LRRK1: variants seen among roughly 807,000 people sequenced by gnomAD.
LRRK1 encodes leucine-rich repeat serine/threonine-protein kinase 1.
LRRK1 carries 113 observed loss-of-function variants against 209.1 expected under a neutral mutation model. The observed-to-expected ratio is 0.54, with a 90% CI of 0.46 to 0.63. The LOEUF (loss-of-function observed/expected upper bound fraction) is 0.63. Among genes scored for constraint, LRRK1 ranks in the 30% least tolerant of loss-of-function variants. LRRK1 has a pLI of 0.00. For missense variants in LRRK1, 2,284 were observed against 2,632.2 expected (o/e 0.87, Z 2.89); for synonymous variants, 1,144 against 1,099.7 (o/e 1.04, Z -0.80).
chr15:100,986,514 C>T (rs1567216317), intron 4 of LRRK1, among the ~76,000 whole-genome samples: 1 of 152,220 alleles, frequency 6.6e-6, no homozygotes, highest in Non-Finnish European at 1.5e-5. Context: ...GTCCCACAGA[C>T]CCTGGCTGAT....
intron 3 of LRRK1, among the ~76,000 whole-genome samples, chr15:100,981,302 T>C (rs995482899): frequency 6.6e-6 from 1 of 152,154 alleles, no homozygotes; most frequent in Non-Finnish European, 1.5e-5. Context: ...CAGCTGTTAG[T>C]TGTGGGCAGT....
intron 20 of LRRK1, among the ~76,000 whole-genome samples, chr15:101,044,459 G>C (rs943357706): frequency 2.0e-5 from 3 of 152,204 alleles, no homozygotes; most frequent in African/African-American, 7.2e-5. Context: ...CCGACTCACT[G>C]GTCATTCCCT....
chr15:101,056,708 T>C (rs2035826967), intron 27 of LRRK1, 148 bp from the exon 28 acceptor site: 2 of 568,452 alleles, frequency 3.5e-6, no homozygotes, highest in East Asian at 3.1e-5. Context: ...GGTGGATGGA[T>C]AAATGGATAG....
In LRRK1 at chr15:101,026,168, T is replaced by G. The variant is rs749097982; in HGVS notation, c.2405+31T>G. On this transcript the variant is annotated intron_variant, in intron 17 of 33. Transcript: ENST00000388948. ...TGCCCAGCCTCGGGCAGCTCCTGCC[T>G]TCTTGTGGGTGCCAGTCGCTGATCT... 4 of 1,601,928 alleles carry G rather than the reference T, an allele frequency of 2.5e-6. No homozygotes were observed. The African/African-American group carries it at 5.4e-5, about 21-fold the overall frequency.
Position 100,971,349 on chromosome 15 carries a change from GAAAAGA to G in LRRK1, c.98-2438_98-2433del, listed in dbSNP as rs531940099. Among the ~76,000 whole-genome samples the G allele has an allele frequency of 8.0e-3, 1,079 of 135,598 alleles. 17 individuals are homozygous for G. Among genetic ancestry groups the G allele is most frequent in the African/African-American group, 0.026 (899 of 35,016 alleles). The allele number at this position is 135,598 out of a possible 152,430, so 89.0% of individuals were successfully genotyped here. A position where few individuals can be genotyped will look rare whatever the true frequency, so the allele number is the denominator to read the frequency against. On this transcript the variant is annotated intron_variant, in intron 2 of 33. Coordinates refer to ENST00000388948, the MANE Select transcript of LRRK1 (RefSeq NM_024652.6). ...ACTGTGTCTCAAAAAAAAAAAAAAA[GAAAAGA>G]AAAAGAAAAAGAAAAAAGAAGAAGA...
At chr15:101,005,973 A>G (rs1191273929) in intron 6 of LRRK1, among the ~76,000 whole-genome samples, 2 of 152,262 alleles carry the variant, frequency 1.3e-5, no homozygotes, top group Admixed American at 1.3e-4. Context: ...CAGGATCAGC[A>G]ACGGAGGCTA....
intron 2 of LRRK1, among the ~76,000 whole-genome samples, chr15:100,947,883 G>A (rs1282859042): frequency 6.6e-6 from 1 of 152,218 alleles, no homozygotes; most frequent in East Asian, 1.9e-4. Flanking sequence ...ATATTTATGT[G>A]AGATCCAGGG....
In LRRK1 at chr15:101,022,561, G is replaced by A. The variant is rs1596286967; in HGVS notation, c.2031G>A (p.Lys677=). The change falls in exon 15 of 34, where the codon AAG becomes AAA. Residue 677 remains lysine, a synonymous_variant. Coordinates refer to ENST00000388948, the MANE Select transcript of LRRK1 (RefSeq NM_024652.6). The surrounding 1 kb of genome is among the most constrained non-coding windows in gnomAD (Gnocchi z 4.0). ...VHGEATIRTT[K]WELQRPAGSR... ...GAGAGGCCACCATCAGGACCACCAA[G>A]TGGGAGCTCCAGAGGCCGGCTGGCT... The A allele has an allele frequency of 3.1e-6, 5 of 1,613,450 alleles. No individual in the cohort carries two copies. Among genetic ancestry groups the A allele is most frequent in the Middle Eastern group, 1.7e-4 (1 of 6,058 alleles).
rs146896434 is a variant in LRRK1, at chr15:101,050,933, C to T, written c.3440-778C>T. Among the ~76,000 whole-genome samples the T allele has an allele frequency of 1.2e-3, 190 of 152,310 alleles. 3 individuals carry two copies. In the East Asian group the frequency reaches 0.03, roughly 24 times the overall value. On this transcript the variant is annotated intron_variant, in intron 23 of 33. Coordinates refer to ENST00000388948, the MANE Select transcript of LRRK1 (RefSeq NM_024652.6). Reference sequence around the variant, plus strand: ...TGCAGCTCCCCACCAGCCAGTGTTCCCCACACAGCAGGTGCTGGGCAGTTT... The same window carrying T: ...TGCAGCTCCCCACCAGCCAGTGTTCTCCACACAGCAGGTGCTGGGCAGTTT...
chr15:100,933,680 G>C (rs781456193), intron 2 of LRRK1, among the ~76,000 whole-genome samples: 2 of 151,638 alleles, frequency 1.3e-5, no homozygotes, highest in African/African-American at 4.9e-5. Flanking sequence ...AAATTAGCCG[G>C]GTATGGTGGC....
chr15:101,061,261 C>G lies in LRRK1; in HGVS notation c.4770C>G (p.Val1590=). The change falls in exon 30 of 34, where the codon GTC becomes GTG. Residue 1590 remains valine, a synonymous_variant. Transcript: ENST00000388948. ...TGAAGGTGAGCTGCCAGCTCCAGGT[C>G]CAGAGATCCCTGTGGACAGCCACCG... The part of the protein sequence containing the change: ...PGMKVSCQLQ[V]QRSLWTATED... 5 of 1,613,960 alleles carry G rather than the reference C, an allele frequency of 3.1e-6. No individual in the cohort carries two copies. The highest frequency in any genetic ancestry group is 4.2e-6 in the Non-Finnish European group (5 of 1,179,878).
intron 1 of LRRK1, among the ~76,000 whole-genome samples, chr15:100,922,442 T>A (rs1052889597): frequency 2.0e-5 from 2 of 101,468 alleles, no homozygotes; most frequent in African/African-American, 5.4e-5. Flanking sequence ...ATTTTAAGAT[T>A]TTTTTTTTTT....
intron 2 of LRRK1, among the ~76,000 whole-genome samples, chr15:100,955,973 G>A (rs989445579): frequency 6.6e-6 from 1 of 152,076 alleles, no homozygotes; most frequent in African/African-American, 2.4e-5. Flanking sequence ...TTTTTATCTG[G>A]CTGTGGTAGG....
At chr15:100,992,679 G>C (rs2032208220) in intron 6 of LRRK1, among the ~76,000 whole-genome samples, 1 of 151,980 alleles carries the variant, frequency 6.6e-6, no homozygotes, top group African/African-American at 2.4e-5. Flanking sequence ...TTCTGTTCTT[G>C]TTTTTTGAGA....
chr15:101,061,357 CCACA>C lies in LRRK1; in HGVS notation c.4797+70_4797+73del, dbSNP rs908877776. The C allele has an allele frequency of 6.3e-6, 7 of 1,103,672 alleles. No homozygotes were observed. In the African/African-American group the frequency reaches 1.1e-4, roughly 17 times the overall value. 68.4% of individuals were successfully genotyped at this position (1,103,672 alleles called of 1,614,324 possible). A position where few individuals can be genotyped will look rare whatever the true frequency, so the allele number is the denominator to read the frequency against. On this transcript the variant is annotated intron_variant, in intron 30 of 33. Transcript: ENST00000388948. ...CACTGGGTGCAGCCCTGGGTGGGGG[CCACA>C]TTCATAAAAATACAGGACGCCAGGT...
Position 101,068,964 on chromosome 15 carries a change from TG to T in LRRK1, c.*117del. The T allele has an allele frequency of 3.0e-6, 3 of 1,009,904 alleles. No individual in the cohort carries two copies. The highest frequency in any genetic ancestry group is 2.8e-6 in the Non-Finnish European group (2 of 712,644). 62.6% of individuals were successfully genotyped at this position (1,009,904 alleles called of 1,614,324 possible). A position where few individuals can be genotyped will look rare whatever the true frequency, so the allele number is the denominator to read the frequency against. On this transcript the variant is annotated 3_prime_UTR_variant, in exon 34 of 34. Transcript: ENST00000388948. ...CTAGAAGACAGATGGAGTTCTCCCC[TG>T]AACTCCTTGCTGCTAAGAAGTGCTG...
chr15:100,997,636 G>C (rs545346010), intron 6 of LRRK1, among the ~76,000 whole-genome samples: 30 of 152,298 alleles, frequency 2.0e-4, no homozygotes, highest in South Asian at 1.2e-3. Context: ...TAAGACATTT[G>C]GCAGAGCACA....
chr15:101,010,308 C>T, intron 7 of LRRK1, 142 bp from the exon 8 acceptor site: 1 of 811,574 alleles, frequency 1.2e-6, no homozygotes, highest in Non-Finnish European at 1.9e-6. Context: ...AAATCATATG[C>T]ACTACATTTT....
At chr15:101,057,721 A>T (rs913534708) in intron 28 of LRRK1, among the ~76,000 whole-genome samples, 1 of 152,112 alleles carries the variant, frequency 6.6e-6, no homozygotes, top group Non-Finnish European at 1.5e-5. Context: ...TGAGATGAAG[A>T]GTGTATGTCC....
Sources: allele counts gnomAD v4.1 joint callset (sites outside exome capture counted in the v4.1 genomes callset), GRCh38; gene constraint gnomAD v4.1.1; non-coding constraint Gnocchi (gnomAD v3.1); transcripts MANE v1.5; gene names NCBI Gene and HGNC (gene_info 2026-07-23, HGNC 2026-07-21).